The following LIPN variants were observed in gnomAD, a reference collection of about 807,000 sequenced individuals.
LIPN encodes the protein lipase family member N.
A neutral mutation model predicts 43.7 loss-of-function variants in LIPN; 32 were observed. That is an observed-to-expected ratio of 0.73 (90% confidence interval 0.55 to 0.98). LIPN has a LOEUF of 0.98. Among genes scored for constraint, LIPN ranks in the 50% least tolerant of loss-of-function variants. The probability of loss-of-function intolerance (pLI) is 0.00; values close to 1 mark genes in which losing one functional copy is unlikely to be tolerated. For synonymous variants in LIPN, 156 were observed against 157.6 expected, an observed-to-expected ratio of 0.99 and a Z score of 0.08; for missense variants, 505 against 483.8, an observed-to-expected ratio of 1.04 and a Z score of -0.41.
chr10:88,762,897 G>A (rs1028493300), intron 3 of LIPN, among the ~76,000 whole-genome samples: 1 of 152,076 alleles, frequency 6.6e-6, no homozygotes, highest in African/African-American at 2.4e-5. Flanking sequence ...TGAGGAGCCA[G>A]CCATGCCATA....
At chr10:88,774,830 C>G (rs1383085296) in intron 8 of LIPN, among the ~76,000 whole-genome samples, 2 of 151,948 alleles carry the variant, frequency 1.3e-5, no homozygotes, top group Non-Finnish European at 2.9e-5. Context: ...AGAACTGAGA[C>G]TTCTCCAGAG....
chr10:88,762,167 G>T (rs374684191), intron 2 of LIPN, 21 bp from the exon 3 acceptor site: 1 of 1,293,680 alleles, frequency 7.7e-7, no homozygotes, highest in South Asian at 1.2e-5. Context: ...TTCCACTAAC[G>T]ACTGTATTTT....
At chr10:88,766,221 A>T in intron 4 of LIPN, 48 bp from the exon 5 acceptor site, 1 of 912,570 alleles carries the variant, frequency 1.1e-6, no homozygotes, top group Non-Finnish European at 1.8e-6. Flanking sequence ...TCTGAGTTTT[A>T]AACTTAAACT....
At chr10:88,763,535 A>G (rs550811137) in intron 3 of LIPN, among the ~76,000 whole-genome samples, 1 of 152,208 alleles carries the variant, frequency 6.6e-6, no homozygotes, top group Admixed American at 6.6e-5. Context: ...TACCACTAAT[A>G]GTCACCATTT....
rs759880018 is a variant in LIPN at position 88,764,578 on chromosome 10, CAG to C, written c.399_400del (p.Glu133AspfsTer3). 39 of 1,607,894 alleles carry C rather than the reference CAG, an allele frequency of 2.4e-5. No homozygotes were observed. In the Middle Eastern group the frequency reaches 6.6e-4, roughly 27 times the overall value. On this transcript the variant is annotated frameshift_variant, in exon 4 of 10. Coordinates refer to ENST00000404459, the MANE Select transcript of LIPN (RefSeq NM_001102469.2). LOFTEE classifies it high-confidence loss of function. ...TGGTCAAGAAGACACAAAACACTCTCAGAGACAGATGAGAAATTCTGGGCCTT... is the reference window on the plus strand; with the variant it reads ...TGGTCAAGAAGACACAAAACACTCTCAGACAGATGAGAAATTCTGGGCCTT...
rs1157605041 is a variant in LIPN at position 88,779,320 on chromosome 10, CT to C, written c.*1081del. 6.6e-6 allele frequency among the ~76,000 whole-genome samples: 1 copy of C among 152,182 alleles called. No homozygotes were observed. Among genetic ancestry groups the C allele is most frequent in the African/African-American group, 2.4e-5 (1 of 41,456 alleles). ...AAAATCCAGAGCCAGCTCCATAATA[CT>C]TTCCTGCTCTGCTGGCAAATCCACA... On this transcript the variant is annotated 3_prime_UTR_variant, in exon 10 of 10. Transcript: ENST00000404459.
chr10:88,763,062 A>G (rs1843029595), intron 3 of LIPN, among the ~76,000 whole-genome samples: 1 of 151,986 alleles, frequency 6.6e-6, no homozygotes, highest in Admixed American at 6.6e-5. Context: ...TTCCCACCAC[A>G]CATATTAAGG....
rs1340192227 is a variant in LIPN at position 88,768,110 on chromosome 10, A to C, written c.536-682A>C. Among the ~76,000 whole-genome samples, 3 of 151,272 alleles carry C rather than the reference A, an allele frequency of 2.0e-5. No individual in the cohort carries two copies. The Admixed American group carries it at 2.0e-4, about 10-fold the overall frequency. On this transcript the variant is annotated intron_variant, in intron 5 of 9. Coordinates refer to ENST00000404459, the MANE Select transcript of LIPN (RefSeq NM_001102469.2). ...GACCTCTGGAAACCAAATTATATGGATATTCTCCCTAGCCTACCCAGTGTT... is the reference window on the plus strand; with the variant it reads ...GACCTCTGGAAACCAAATTATATGGCTATTCTCCCTAGCCTACCCAGTGTT...
In LIPN at chr10:88,774,534, A is replaced by C. The variant is rs1391028206; in HGVS notation, c.881A>C (p.His294Pro). 1.2e-6 allele frequency: 2 copies of C among 1,609,534 alleles called. No individual in the cohort carries two copies. Among genetic ancestry groups the C allele is most frequent in the African/African-American group, 1.3e-5 (1 of 74,724 alleles). ...GGTTCATCAGTACACAACATTCTGC[A>C]TATAAAACAGGTAGAGTCTTAGTCA... ...PTGSSVHNIL[H>P]IKQLYHSDEF... Residue 294 changes from histidine (H) to proline (P), a missense_variant, in exon 8 of 10, where the codon CAT (histidine) becomes CCT (proline). By Grantham distance (77) the His-to-Pro change is moderately conservative. Transcript: ENST00000404459.
At chr10:88,775,943 T>G (rs1843290037) in intron 9 of LIPN, among the ~76,000 whole-genome samples, 1 of 152,080 alleles carries the variant, frequency 6.6e-6, no homozygotes, top group Non-Finnish European at 1.5e-5. Context: ...ATTGGCCTGT[T>G]AGAGGAATAA....
intron 8 of LIPN, among the ~76,000 whole-genome samples, chr10:88,774,806 A>G (rs1297058564): frequency 6.6e-6 from 1 of 152,012 alleles, no homozygotes; most frequent in Non-Finnish European, 1.5e-5. Context: ...GAGGTAAACT[A>G]GGGAAGCCTC....
upstream of LIPN, among the ~76,000 whole-genome samples, chr10:88,759,917 G>A (rs144578136): frequency 5.6e-4 from 85 of 152,172 alleles, no homozygotes; most frequent in African/African-American, 1.8e-3. Context: ...TGGTGTGTCA[G>A]GGACACGCCT....
intron 5 of LIPN, among the ~76,000 whole-genome samples, chr10:88,766,812 C>T (rs563378719): frequency 6.6e-6 from 1 of 151,890 alleles, no homozygotes; most frequent in African/African-American, 2.4e-5. Context: ...AGGGCTTATA[C>T]CTATATTTAA....
At chr10:88,762,373 C>A in intron 3 of LIPN, 68 bp downstream of exon 3, 1 of 902,928 alleles carries the variant, frequency 1.1e-6, no homozygotes, top group Non-Finnish European at 1.8e-6. Flanking sequence ...GAATTTAATG[C>A]TAGATATGCA....
rs1843275166 is a variant in LIPN at position 88,775,119 on chromosome 10, T to C, written c.919T>C (p.Tyr307His). The change falls in exon 9 of 10, where the codon TAT (tyrosine) becomes CAT (histidine). Residue 307 changes from tyrosine (Y) to histidine (H), a missense_variant. By Grantham distance (83) the Tyr-to-His change is moderately conservative. Transcript: ENST00000404459. ...TTACCACTCTGATGAATTCAGAGCTTATGACTGGGGAAATGACGCTGATAA... is the reference window on the plus strand; with the variant it reads ...TTACCACTCTGATGAATTCAGAGCTCATGACTGGGGAAATGACGCTGATAA... ...QLYHSDEFRA[Y>H]DWGNDADNMK... 3 of 1,546,570 alleles carry C rather than the reference T, an allele frequency of 1.9e-6. No individual in the cohort carries two copies. The highest frequency in any genetic ancestry group is 2.6e-6 in the Non-Finnish European group (3 of 1,143,658).
At chr10:88,761,707 T>C (rs1400749026) in intron 2 of LIPN, among the ~76,000 whole-genome samples, 194 bp downstream of exon 2, 1 of 151,116 alleles carries the variant, frequency 6.6e-6, no homozygotes, top group East Asian at 2.0e-4. Context: ...AAAACCAAAT[T>C]GTGCTATTGT....
Position 88,774,558 on chromosome 10 carries a change from C to T in LIPN, c.891+14C>T, listed in dbSNP as rs953298723. On this transcript the variant is annotated intron_variant, in intron 8 of 9. Transcript: ENST00000404459. ...CATATAAAACAGGTAGAGTCTTAGT[C>T]ATGGAAAACCATTCCAATCCTTATT... The T allele has an allele frequency of 1.1e-5, 18 of 1,586,150 alleles. No individual in the cohort carries two copies. Among genetic ancestry groups the T allele is most frequent in the Admixed American group, 3.3e-5 (2 of 59,702 alleles).
At chr10:88,774,369 A>G in intron 7 of LIPN, 104 bp from the exon 8 acceptor site, 1 of 679,316 alleles carries the variant, frequency 1.5e-6, no homozygotes, top group Non-Finnish European at 2.6e-6. Flanking sequence ...TGTTATTTTC[A>G]AAGCCCCAGT....
rs1382329260 is a variant in LIPN at position 88,774,499 on chromosome 10, T to C, written c.846T>C (p.His282=). Residue 282 remains histidine, a synonymous_variant, in exon 8 of 10, where the codon CAT becomes CAC. Coordinates refer to ENST00000404459, the MANE Select transcript of LIPN (RefSeq NM_001102469.2). The stretch of plus-strand genomic sequence containing the variant: ...GTCGAATGGATGTGTATATGTCACA[T>C]GCTCCCACTGGTTCATCAGTACACA... The part of the protein sequence containing the change: ...NQSRMDVYMS[H]APTGSSVHNI... The C allele has an allele frequency of 6.2e-7, 1 of 1,610,982 alleles. No individual in the cohort carries two copies. Among genetic ancestry groups the C allele is most frequent in the Admixed American group, 1.7e-5 (1 of 59,790 alleles).
Sources: gnomAD v4.1 joint callset for allele counts (sites outside exome capture counted in the v4.1 genomes callset) on GRCh38, gnomAD v4.1.1 for gene constraint, MANE v1.5 for transcripts, NCBI Gene and HGNC (gene_info 2026-07-23, HGNC 2026-07-21) for gene names.